The following RBPJ variants were observed in gnomAD, a reference collection of about 807,000 sequenced individuals.
The protein encoded by RBPJ is recombination signal binding protein for immunoglobulin kappa J region, also known as recombining binding protein suppressor of hairless.
A neutral mutation model predicts 67.8 loss-of-function variants in RBPJ; 9 were observed. The observed-to-expected ratio is 0.13, with a 90% CI of 0.08 to 0.23. The LOEUF is 0.23. RBPJ is among the 10% of genes least tolerant of loss of function. RBPJ has a pLI of 1.00. For missense variants in RBPJ, 305 were observed against 595.6 expected (o/e 0.51, Z 5.08); for synonymous variants, 198 against 203.3 (o/e 0.97, Z 0.22).
intron 1 of RBPJ, among the ~76,000 whole-genome samples, chr4:26,265,240 C>T (rs1311391585): frequency 6.6e-6 from 1 of 151,992 alleles, no homozygotes; most frequent in Admixed American, 6.6e-5. Flanking sequence ...CTCTAAAGAG[C>T]GGATGAGGCT....
At chr4:26,142,630 G>C in the RBPJ span, among the ~76,000 whole-genome samples, 8 of 152,220 alleles carry the variant, frequency 5.3e-5, no homozygotes, top group Non-Finnish European at 1.2e-4. Flanking sequence ...TAGATGCTCA[G>C]ATGTCACCTA....
chr4:26,286,005 C>T (rs1721450944), intron 1 of RBPJ, among the ~76,000 whole-genome samples: 1 of 103,388 alleles, frequency 9.7e-6, no homozygotes, highest in Non-Finnish European at 2.3e-5. Flanking sequence ...GTCCTAGCTG[C>T]TCAGTACACT....
the RBPJ span, among the ~76,000 whole-genome samples, chr4:26,125,714 G>T: frequency 6.6e-6 from 1 of 151,852 alleles, no homozygotes; most frequent in Non-Finnish European, 1.5e-5. Flanking sequence ...CAGGAGAATC[G>T]CTTAGACCTG....
chr4:26,319,827 G>GAGGTTTCGGGCGGCGAATTCCAGTT, upstream of RBPJ: 1 of 1,569,592 alleles, frequency 6.4e-7, no homozygotes, highest in Non-Finnish European at 8.8e-7. Context: ...GGGAGGCAGT[G>GAGGTTTCGGGCGGCGAATTCCAGTT]CTGGATCTGG....
At chr4:26,270,433 GAAAGAAGAAAGA>G (rs1272552070) in intron 1 of RBPJ, among the ~76,000 whole-genome samples, 7 of 57,836 alleles carry the variant, frequency 1.2e-4, no homozygotes, top group Admixed American at 7.3e-4. Context: ...AAGAAAGAAA[GAAAGAAGAAAGA>G]AAGAAAGAAA....
At chr4:26,316,511 A>ATG (rs1284263661), upstream of RBPJ, among the ~76,000 whole-genome samples, 437 of 2,448 alleles carry the variant, frequency 0.18, 1 homozygote, top group Non-Finnish European at 0.35. Context: ...ATATATATTC[A>ATG]TATATATTCA....
At chr4:26,421,556 A>G (rs1735140633) in intron 5 of RBPJ, among the ~76,000 whole-genome samples, 1 of 151,326 alleles carries the variant, frequency 6.6e-6, no homozygotes. Context: ...ACCCACCTCG[A>G]CCTCCCAAAG....
intron 1 of RBPJ, among the ~76,000 whole-genome samples, chr4:26,266,519 G>T (rs1160636205): frequency 6.6e-6 from 1 of 152,088 alleles, no homozygotes; most frequent in Non-Finnish European, 1.5e-5. Context: ...TCTTCTCTGT[G>T]GCCTTTTGTC....
intron 1 of RBPJ, among the ~76,000 whole-genome samples, chr4:26,324,231 A>G (rs944594036): frequency 1.3e-5 from 2 of 152,166 alleles, no homozygotes; most frequent in African/African-American, 2.4e-5. Flanking sequence ...GAAGTCAAAT[A>G]GGAGGTTTTT....
upstream of RBPJ, chr4:26,319,959 G>T: frequency 7.4e-7 from 1 of 1,358,252 alleles, no homozygotes; most frequent in Non-Finnish European, 1.0e-6. Context: ...GGTTTGCCCG[G>T]GGGCTTCCGG....
At chr4:26,282,735 T>C (rs1721317175) in intron 1 of RBPJ, among the ~76,000 whole-genome samples, 1 of 151,964 alleles carries the variant, frequency 6.6e-6, no homozygotes, top group African/African-American at 2.4e-5. Context: ...TGGCCAGGCT[T>C]GTCTGTTACT....
chr4:26,244,270 CATATATGTGTGTATATGT>C (rs1560226073), intron 1 of RBPJ, among the ~76,000 whole-genome samples: 1 of 16,030 alleles, frequency 6.2e-5, no homozygotes, highest in African/African-American at 2.4e-4. Context: ...TATGTGTACA[CATATATGTGTGTATATGT>C]ATACACATAT....
chr4:26,366,741 G>C (rs1485521708), intron 1 of RBPJ, among the ~76,000 whole-genome samples: 1 of 151,948 alleles, frequency 6.6e-6, no homozygotes. Context: ...ATATTTAAAG[G>C]TTCATACATA....
chr4:26,351,245 A>G (rs1218276348), intron 1 of RBPJ, among the ~76,000 whole-genome samples: 1 of 152,202 alleles, frequency 6.6e-6, no homozygotes, highest in African/African-American at 2.4e-5. Context: ...ACACTTGAGG[A>G]ACATAGATAC....
chr4:26,363,903 TTTTTA>T (rs1022482529), intron 1 of RBPJ, among the ~76,000 whole-genome samples: 10 of 152,254 alleles, frequency 6.6e-5, no homozygotes, highest in African/African-American at 2.2e-4. Context: ...ACCTTTTAAG[TTTTTA>T]TTTTTATAAA....
intron 2 of RBPJ, among the ~76,000 whole-genome samples, chr4:26,403,744 G>A (rs1208772111): frequency 6.6e-6 from 1 of 151,860 alleles, no homozygotes; most frequent in African/African-American, 2.4e-5. Context: ...CATAATATTC[G>A]GTGGTGTGTA....
intron 1 of RBPJ, among the ~76,000 whole-genome samples, chr4:26,177,683 C>T (rs1716844055): frequency 6.6e-6 from 1 of 152,044 alleles, no homozygotes; most frequent in Admixed American, 6.6e-5. Flanking sequence ...AACCCCAATC[C>T]ATCACCACTA....
At position 26,427,648 on chromosome 4, in the gene RBPJ, T is replaced by A. The variant is rs554116779; in HGVS notation, c.748-1072T>A. On this transcript the variant is annotated intron_variant, in intron 7 of 10. Transcript: ENST00000355476. Reference sequence around the variant, plus strand: ...GTGAGATGCATCTGTCTGGAAATCCTTGGTGGCTTTGAAAAGCAGTTGTAG... The same window carrying A: ...GTGAGATGCATCTGTCTGGAAATCCATGGTGGCTTTGAAAAGCAGTTGTAG... Among the ~76,000 whole-genome samples the A allele has an allele frequency of 9.7e-4, 148 of 152,296 alleles. 2 individuals are homozygous for A. Among genetic ancestry groups the A allele is most frequent in the Non-Finnish European group, 1.5e-3 (105 of 68,030 alleles).
chr4:26,369,272 C>T (rs1330746604), intron 1 of RBPJ, among the ~76,000 whole-genome samples: 1 of 152,180 alleles, frequency 6.6e-6, no homozygotes, highest in Non-Finnish European at 1.5e-5. Context: ...TTTGTCATCA[C>T]TGAACTCTTG....
Sources: gnomAD v4.1 joint callset for allele counts (sites outside exome capture counted in the v4.1 genomes callset) on GRCh38, gnomAD v4.1.1 for gene constraint, MANE v1.5 for transcripts, NCBI Gene and HGNC (gene_info 2026-07-23, HGNC 2026-07-21) for gene names.